The following ST6GALNAC3 variants were observed in gnomAD, a reference collection of about 807,000 sequenced individuals.
The protein encoded by ST6GALNAC3 is alpha-N-acetylgalactosaminide alpha-2,6-sialyltransferase 3.
A neutral mutation model predicts 32.7 loss-of-function variants in ST6GALNAC3; 25 were observed. That is an observed-to-expected ratio of 0.76 (90% CI 0.56 to 1.07). The LOEUF (loss-of-function observed/expected upper bound fraction) is 1.07. Ranked by LOEUF, ST6GALNAC3 falls within the 50% of genes least tolerant of loss-of-function variation. ST6GALNAC3 has a pLI of 0.00. For missense variants in ST6GALNAC3, 355 were observed against 382.4 expected, an observed-to-expected ratio of 0.93 and a Z score of 0.60; for synonymous variants, 129 against 133.1, an observed-to-expected ratio of 0.97 and a Z score of 0.21.
At chr1:76,490,981 C>T (rs896845363) in intron 3 of ST6GALNAC3, among the ~76,000 whole-genome samples, 14 of 151,948 alleles carry the variant, frequency 9.2e-5, no homozygotes, top group African/African-American at 3.4e-4. Context: ...TCCTCAGCCT[C>T]CCAAGTAGCT....
chr1:76,499,935 G>A (rs1571430110), intron 3 of ST6GALNAC3, among the ~76,000 whole-genome samples: 1 of 151,890 alleles, frequency 6.6e-6, no homozygotes, highest in Non-Finnish European at 1.5e-5. Flanking sequence ...TTTCTAACTG[G>A]AATACTATGC....
At chr1:76,109,250 T>C (rs2100797636) in intron 1 of ST6GALNAC3, among the ~76,000 whole-genome samples, 1 of 152,260 alleles carries the variant, frequency 6.6e-6, no homozygotes, top group East Asian at 1.9e-4. Context: ...TGCTGACTTT[T>C]CTCCTGGCTA....
At chr1:76,406,030 A>G (rs531821873) in intron 2 of ST6GALNAC3, among the ~76,000 whole-genome samples, 58 of 152,168 alleles carry the variant, frequency 3.8e-4, no homozygotes, top group African/African-American at 1.4e-3. Context: ...AGTATTTTTC[A>G]GAACAATTCA....
intron 1 of ST6GALNAC3, among the ~76,000 whole-genome samples, chr1:76,095,179 C>G (rs2100759287): frequency 6.6e-6 from 1 of 152,170 alleles, no homozygotes; most frequent in Middle Eastern, 3.4e-3. Flanking sequence ...ACCTTAGAGA[C>G]AAACTGGGCA....
At chr1:76,391,831 C>T (rs1035086408) in intron 2 of ST6GALNAC3, among the ~76,000 whole-genome samples, 1 of 152,102 alleles carries the variant, frequency 6.6e-6, no homozygotes, top group African/African-American at 2.4e-5. Context: ...AGAGCTTGAC[C>T]TACATTTAGT....
chr1:76,397,136 G>A (rs980910440), intron 2 of ST6GALNAC3, among the ~76,000 whole-genome samples: 1 of 151,958 alleles, frequency 6.6e-6, no homozygotes, highest in Non-Finnish European at 1.5e-5. Context: ...TAGCAGTAAA[G>A]GAATGAATGA....
At chr1:76,229,181 TGAGTTA>T (rs1656229544) in intron 1 of ST6GALNAC3, among the ~76,000 whole-genome samples, 3 of 152,154 alleles carry the variant, frequency 2.0e-5, no homozygotes, top group Non-Finnish European at 4.4e-5. Flanking sequence ...TAGCCTGCCA[TGAGTTA>T]GACTTGTAAC....
At chr1:76,557,705 C>A (rs12036720) in intron 3 of ST6GALNAC3, among the ~76,000 whole-genome samples, 2 of 152,212 alleles carry the variant, frequency 1.3e-5, no homozygotes, top group East Asian at 1.9e-4. Flanking sequence ...TTCTACCTCT[C>A]TCCCCAAAGA....
At chr1:76,225,665 A>G (rs1041288976) in intron 1 of ST6GALNAC3, among the ~76,000 whole-genome samples, 11 of 152,192 alleles carry the variant, frequency 7.2e-5, no homozygotes, top group Admixed American at 5.9e-4. Context: ...AGGAGATAAT[A>G]TTACTTAACC....
intron 3 of ST6GALNAC3, among the ~76,000 whole-genome samples, chr1:76,523,035 A>G (rs984494427): frequency 6.6e-6 from 1 of 152,118 alleles, no homozygotes; most frequent in African/African-American, 2.4e-5. Flanking sequence ...GTCCATCCCC[A>G]TGTGTTCCAG....
At chr1:76,239,357 T>A (rs1656839448) in intron 1 of ST6GALNAC3, among the ~76,000 whole-genome samples, 1 of 152,120 alleles carries the variant, frequency 6.6e-6, no homozygotes, top group Admixed American at 6.5e-5. Context: ...TAATCCATTG[T>A]GCATTGCTAT....
downstream of ST6GALNAC3, chr1:76,634,671 A>G (rs2088475213): frequency 2.0e-5 from 3 of 151,696 alleles, no homozygotes; most frequent in Admixed American, 1.3e-4. Context: ...GCCAGAGGGA[A>G]AAGGCGGTAT....
chr1:76,182,412 C>A (rs1653242221), intron 1 of ST6GALNAC3, among the ~76,000 whole-genome samples: 1 of 152,172 alleles, frequency 6.6e-6, no homozygotes, highest in Admixed American at 6.5e-5. Context: ...TTTTCTTGCA[C>A]CTGCTAAATC....
chr1:76,326,581 A>C (rs569596648), intron 2 of ST6GALNAC3, among the ~76,000 whole-genome samples: 10 of 152,274 alleles, frequency 6.6e-5, no homozygotes, highest in African/African-American at 2.2e-4. Context: ...ATTGTTAAGT[A>C]ATTTGCTAAA....
Position 76,629,831 on chromosome 1 carries a change from G to A in ST6GALNAC3, c.*1025G>A. ...TCAAATTTCTATTTTATAGGCCCAA[G>A]GTGTGTTTCTCCAAACATTACATTC... On this transcript the variant is annotated 3_prime_UTR_variant, in exon 5 of 5. Coordinates refer to ENST00000328299, the MANE Select transcript of ST6GALNAC3 (RefSeq NM_152996.4). 2 of 979,098 alleles carry A rather than the reference G, an allele frequency of 2.0e-6. No homozygotes were observed. The highest frequency in any genetic ancestry group is 2.4e-6 in the Non-Finnish European group (2 of 824,354). 60.7% of individuals were successfully genotyped at this position (979,098 alleles called of 1,614,324 possible).
chr1:76,113,164 C>T (rs575805777), intron 1 of ST6GALNAC3, among the ~76,000 whole-genome samples: 17 of 152,160 alleles, frequency 1.1e-4, no homozygotes, highest in African/African-American at 3.9e-4. Flanking sequence ...AGCGAAACCC[C>T]GTCTCCACCA....
chr1:76,439,813 A>C (rs1331418209), intron 3 of ST6GALNAC3, among the ~76,000 whole-genome samples: 2 of 152,334 alleles, frequency 1.3e-5, no homozygotes, highest in East Asian at 3.9e-4. Context: ...TCTACAGTAG[A>C]AAAGATGGCA....
chr1:76,456,326 C>A (rs923139869), intron 3 of ST6GALNAC3, among the ~76,000 whole-genome samples: 6 of 151,904 alleles, frequency 3.9e-5, no homozygotes, highest in African/African-American at 1.2e-4. Context: ...TCTCTTTTTT[C>A]GTTTTTCTTT....
chr1:76,431,394 G>C (rs1049553015), intron 3 of ST6GALNAC3, among the ~76,000 whole-genome samples: 2 of 152,136 alleles, frequency 1.3e-5, no homozygotes, highest in African/African-American at 4.8e-5. Context: ...AAAGGTAGCT[G>C]AAAGTTGAAT....
Sources: gnomAD v4.1 joint callset for allele counts (sites outside exome capture counted in the v4.1 genomes callset) on GRCh38, gnomAD v4.1.1 for gene constraint, MANE v1.5 for transcripts, NCBI Gene and HGNC (gene_info 2026-07-23, HGNC 2026-07-21) for gene names.